HLCS: variants seen among roughly 807,000 people sequenced by gnomAD.
The protein encoded by HLCS is holocarboxylase synthetase.
In HLCS, 53 loss-of-function variants were observed where a neutral mutation model predicts 75.0. That is an observed-to-expected ratio of 0.71 (90% CI 0.57 to 0.89). The LOEUF (loss-of-function observed/expected upper bound fraction) is 0.89, where lower values mean the gene tolerates loss of function less well. Ranked by LOEUF, HLCS falls within the 40% of genes least tolerant of loss-of-function variation. The pLI is 0.00. For synonymous variants in HLCS, 431 were observed against 428.6 expected (o/e 1.01, Z -0.07); for missense variants, 966 against 1,074.0 (o/e 0.90, Z 1.41).
At chr21:36,973,852 A>T (rs559866978) in intron 1 of HLCS, 1 of 152,412 alleles carries the variant, frequency 6.6e-6, no homozygotes, top group East Asian at 1.9e-4. Context: ...TTAGCCGGGC[A>T]TGGTGGCAGG....
chr21:36,988,302 G>C (rs2069266826), intron 1 of HLCS, among the ~76,000 whole-genome samples: 2 of 151,940 alleles, frequency 1.3e-5, no homozygotes, highest in East Asian at 3.8e-4. Context: ...CACACAAAAA[G>C]TAGCCTAACA....
At chr21:36,795,440 T>C (rs1254578590) in intron 6 of HLCS, among the ~76,000 whole-genome samples, 1 of 148,480 alleles carries the variant, frequency 6.7e-6, no homozygotes, top group African/African-American at 2.4e-5. Flanking sequence ...ATATGCAACT[T>C]TCCAAATACT....
At chr21:36,911,977 A>T (rs1350043494) in intron 5 of HLCS, among the ~76,000 whole-genome samples, 1 of 151,640 alleles carries the variant, frequency 6.6e-6, no homozygotes, top group Non-Finnish European at 1.5e-5. Context: ...AGGCGGAGAC[A>T]GAAGAATCGC....
chr21:36,975,407 C>T lies in HLCS; in HGVS notation c.-392-13237G>A, dbSNP rs575181693. 1.9e-3 allele frequency among the ~76,000 whole-genome samples: 284 copies of T among 152,222 alleles called. 1 individual carries two copies. Among genetic ancestry groups the T allele is most frequent in the Middle Eastern group, 3.4e-3 (1 of 294 alleles). ...GCACGACAGCCTGCTGGATGATTCC[C>T]GGTGCCCGTCCCCTGTTTCCCACGG... On this transcript the variant is annotated intron_variant, in intron 1 of 11. Coordinates refer to the HLCS transcript ENST00000336648.
At chr21:36,811,248 ACTTTCACC>A (rs530118205) in intron 6 of HLCS, among the ~76,000 whole-genome samples, 12 of 152,196 alleles carry the variant, frequency 7.9e-5, no homozygotes, top group Non-Finnish European at 1.6e-4. Flanking sequence ...GAAACAGCAC[ACTTTCACC>A]CTTTCATGGT....
At chr21:36,761,713 C>T (rs955208069) in intron 8 of HLCS, among the ~76,000 whole-genome samples, 3 of 152,196 alleles carry the variant, frequency 2.0e-5, no homozygotes, top group African/African-American at 7.2e-5. Context: ...GAGAAAGTCT[C>T]CTCTAGGAAA....
intron 6 of HLCS, chr21:36,803,991 C>A (rs956606621): frequency 6.6e-6 from 1 of 152,274 alleles, no homozygotes; most frequent in Non-Finnish European, 1.5e-5. Flanking sequence ...TTTCACTGTA[C>A]CAACATAATG....
chr21:36,791,389 G>T (rs2060859549), intron 6 of HLCS, among the ~76,000 whole-genome samples: 1 of 152,156 alleles, frequency 6.6e-6, no homozygotes, highest in African/African-American at 2.4e-5. Flanking sequence ...GTTCCTGCTG[G>T]GTCGGCCAAG....
At chr21:36,803,877 A>G (rs1175025747) in intron 6 of HLCS, 1 of 152,096 alleles carries the variant, frequency 6.6e-6, no homozygotes, top group Non-Finnish European at 1.5e-5. Context: ...ATCAGGAACA[A>G]CGTCTGTGCA....
intron 6 of HLCS, among the ~76,000 whole-genome samples, chr21:36,894,537 T>C (rs1352446849): frequency 2.6e-5 from 4 of 152,152 alleles, no homozygotes; most frequent in Non-Finnish European, 5.9e-5. Flanking sequence ...TTTCTGTGAG[T>C]AACCTCACTT....
Position 36,961,915 on chromosome 21 carries a change from C to G in HLCS, c.330+121G>C, listed in dbSNP as rs564825105. On this transcript the variant is annotated intron_variant, in intron 2 of 10. Coordinates refer to ENST00000674895, the MANE Select transcript of HLCS (RefSeq NM_001352514.2). ...GTCCCAGTGAGCCGAGATCACACCA[C>G]TGCACTCCAGCCTGGGTGACAGAGC... 9.7e-6 allele frequency: 5 copies of G among 518,100 alleles called. No homozygotes were observed. The African/African-American group carries it at 1.0e-4, about 11-fold the overall frequency. The allele number at this position is 518,100 out of a possible 1,614,324, so 32.1% of individuals were successfully genotyped here.
chr21:36,782,034 A>T (rs1216927299), intron 6 of HLCS, among the ~76,000 whole-genome samples: 1 of 152,118 alleles, frequency 6.6e-6, no homozygotes, highest in Admixed American at 6.5e-5. Context: ...CCTAGAAAAA[A>T]AAATCACATT....
At chr21:36,767,101 T>C in intron 7 of HLCS, 117 bp downstream of exon 7, 1 of 965,636 alleles carries the variant, frequency 1.0e-6, no homozygotes, top group Non-Finnish European at 1.7e-6. Flanking sequence ...GAAAACAGAA[T>C]CTACTAACTT....
At chr21:36,854,170 A>C (rs1364766008) in intron 6 of HLCS, among the ~76,000 whole-genome samples, 1 of 152,242 alleles carries the variant, frequency 6.6e-6, no homozygotes, top group African/African-American at 2.4e-5. Context: ...TATTTGTCAT[A>C]TGTTAAAAAT....
chr21:36,951,764 T>C (rs749196571), intron 2 of HLCS, among the ~76,000 whole-genome samples: 2 of 152,244 alleles, frequency 1.3e-5, no homozygotes, highest in Non-Finnish European at 2.9e-5. Context: ...TTAAGTTCTT[T>C]GGGTCAACAA....
chr21:36,800,832 G>T (rs991923631), intron 6 of HLCS, among the ~76,000 whole-genome samples: 2 of 152,120 alleles, frequency 1.3e-5, no homozygotes, highest in Non-Finnish European at 2.9e-5. Context: ...GCAAGCCCAG[G>T]TATTATGGAA....
chr21:36,947,400 G>C (rs1342117787), intron 2 of HLCS: 1 of 985,320 alleles, frequency 1.0e-6, no homozygotes. Flanking sequence ...CCTTCAAGCA[G>C]CGCTGGGTGC....
At chr21:36,793,489 A>G (rs763290512) in intron 6 of HLCS, among the ~76,000 whole-genome samples, 1 of 151,810 alleles carries the variant, frequency 6.6e-6, no homozygotes, top group Non-Finnish European at 1.5e-5. Context: ...TTTAGTAGAG[A>G]CAGAGTTTCT....
chr21:36,769,825 T>C (rs2090169535), intron 6 of HLCS, among the ~76,000 whole-genome samples: 1 of 152,204 alleles, frequency 6.6e-6, no homozygotes. Context: ...GCTTTAATGA[T>C]TGGGAATAAC....
Sources: gnomAD v4.1 joint callset for allele counts (sites outside exome capture counted in the v4.1 genomes callset) on GRCh38, gnomAD v4.1.1 for gene constraint, MANE v1.5 for transcripts, NCBI Gene and HGNC (gene_info 2026-07-23, HGNC 2026-07-21) for gene names.